WDR70: variants seen among roughly 807,000 people sequenced by gnomAD.
WDR70 encodes WD repeat domain 70, also known as WD repeat-containing protein 70.
In WDR70, 53 loss-of-function variants were observed where a neutral mutation model predicts 88.6. That is an observed-to-expected ratio of 0.60 (90% CI 0.48 to 0.75). The LOEUF (loss-of-function observed/expected upper bound fraction) is 0.75, where lower values mean the gene tolerates loss of function less well. Ranked by LOEUF, WDR70 falls within the 30% of genes least tolerant of loss-of-function variation. The pLI is 0.00. For missense variants in WDR70, 610 were observed against 823.2 expected, an observed-to-expected ratio of 0.74 and a Z score of 3.17; for synonymous variants, 280 against 270.0, an observed-to-expected ratio of 1.04 and a Z score of -0.36.
chr5:37,473,123 TC>T (rs1388181533), intron 7 of WDR70, among the ~76,000 whole-genome samples: 1 of 152,034 alleles, frequency 6.6e-6, no homozygotes, highest in Non-Finnish European at 1.5e-5. Flanking sequence ...TTTTTGCATT[TC>T]ATAAATGATT....
At chr5:37,460,553 G>T (rs1252710365) in intron 7 of WDR70, among the ~76,000 whole-genome samples, 3 of 66,878 alleles carry the variant, frequency 4.5e-5, no homozygotes, top group Non-Finnish European at 6.7e-5. Flanking sequence ...GGTCGGGGGA[G>T]GGGGGAGGGA....
intron 9 of WDR70, among the ~76,000 whole-genome samples, chr5:37,583,921 T>G (rs1222170915): frequency 6.6e-6 from 1 of 152,186 alleles, no homozygotes; most frequent in Non-Finnish European, 1.5e-5. Flanking sequence ...AAAGTACTGC[T>G]TGAACCAACA....
At chr5:37,463,066 G>T (rs1010422144) in intron 7 of WDR70, among the ~76,000 whole-genome samples, 3 of 152,046 alleles carry the variant, frequency 2.0e-5, no homozygotes, top group South Asian at 2.1e-4. Flanking sequence ...GAGGTCAGGA[G>T]TTTGAGACCA....
intron 10 of WDR70, among the ~76,000 whole-genome samples, chr5:37,667,865 A>AG (rs932449972): frequency 1.5e-5 from 2 of 131,546 alleles, no homozygotes; most frequent in African/African-American, 5.1e-5. Context: ...AAAAAAAAAA[A>AG]AAAAAAGGTT....
chr5:37,552,627 T>G (rs922200983), intron 9 of WDR70, among the ~76,000 whole-genome samples: 4 of 152,048 alleles, frequency 2.6e-5, no homozygotes, highest in African/African-American at 4.8e-5. Flanking sequence ...GTGAAACAGA[T>G]GATAAGATGA....
At chr5:37,430,243 G>A (rs1750260595) in intron 5 of WDR70, among the ~76,000 whole-genome samples, 1 of 152,132 alleles carries the variant, frequency 6.6e-6, no homozygotes, top group African/African-American at 2.4e-5. Flanking sequence ...GGGATGTAAG[G>A]TCAGAGAAAG....
rs552451228 is a variant in WDR70 at position 37,740,467 on chromosome 5, T to C, written c.1878-12019T>C. Among the ~76,000 whole-genome samples the C allele has an allele frequency of 1.7e-3, 266 of 152,346 alleles. 1 individual carries two copies. The highest frequency in any genetic ancestry group is 6.2e-3 in the African/African-American group (256 of 41,586). ...GGTAGAGATGTTCAGTGTGCTAAAGTTGAATACTCTTTTTTTGAAGAACCT... is the reference window on the plus strand; with the variant it reads ...GGTAGAGATGTTCAGTGTGCTAAAGCTGAATACTCTTTTTTTGAAGAACCT... On this transcript the variant is annotated intron_variant, in intron 17 of 17. Coordinates refer to ENST00000265107, the MANE Select transcript of WDR70 (RefSeq NM_018034.4).
chr5:37,594,394 A>G (rs1438480319), intron 9 of WDR70, among the ~76,000 whole-genome samples: 17 of 152,326 alleles, frequency 1.1e-4, no homozygotes, highest in African/African-American at 4.1e-4. Context: ...CATTTATTAA[A>G]AAGGGAATCC....
chr5:37,638,992 G>A (rs977671934), intron 10 of WDR70, among the ~76,000 whole-genome samples: 1 of 152,110 alleles, frequency 6.6e-6, no homozygotes, highest in African/African-American at 2.4e-5. Flanking sequence ...GATTTTTTAA[G>A]CCTGAGGAGC....
At chr5:37,711,015 G>T (rs1747495066) in intron 13 of WDR70, among the ~76,000 whole-genome samples, 1 of 152,040 alleles carries the variant, frequency 6.6e-6, no homozygotes. Flanking sequence ...TTCAGAGGGA[G>T]AGACTGAATG....
intron 10 of WDR70, among the ~76,000 whole-genome samples, chr5:37,673,065 C>T (rs1193193825): frequency 6.6e-6 from 1 of 152,132 alleles, no homozygotes; most frequent in Non-Finnish European, 1.5e-5. Flanking sequence ...CCTCCACCCT[C>T]CCATAGGCCC....
At chr5:37,515,041 A>G (rs1312441112) in intron 8 of WDR70, among the ~76,000 whole-genome samples, 1 of 151,992 alleles carries the variant, frequency 6.6e-6, no homozygotes, top group Non-Finnish European at 1.5e-5. Context: ...AAAAAGAAAA[A>G]GCAGAGAGAC....
intron 9 of WDR70, among the ~76,000 whole-genome samples, chr5:37,579,202 T>G (rs1056506615): frequency 1.3e-5 from 2 of 152,188 alleles, no homozygotes; most frequent in African/African-American, 4.8e-5. Flanking sequence ...ACTTTTTGAC[T>G]GAATGGAAGG....
intron 9 of WDR70, among the ~76,000 whole-genome samples, chr5:37,561,951 T>A (rs1742519211): frequency 6.6e-6 from 1 of 152,218 alleles, no homozygotes; most frequent in African/African-American, 2.4e-5. Context: ...AAGAGGCATT[T>A]GAGGTATTCC....
At position 37,396,554 on chromosome 5, in the gene WDR70, A is replaced by C. The variant is rs770319249; in HGVS notation, c.476A>C (p.Glu159Ala). 13 of 1,610,734 alleles carry C rather than the reference A, an allele frequency of 8.1e-6. No homozygotes were observed. Among genetic ancestry groups the C allele is most frequent in the South Asian group, 1.1e-5 (1 of 90,890 alleles). Residue 159 changes from glutamate (E) to alanine (A), a missense_variant, in exon 5 of 18, where the codon GAA becomes GCA. Physicochemically the swap from Glu to Ala is moderately radical, Grantham distance 107. Coordinates refer to ENST00000265107, the MANE Select transcript of WDR70 (RefSeq NM_018034.4). ...GAAGAAGCAGAGGAAGAAGAAGAGGAAGAGGAGGAAGAGGAAGTAAGTATT... is the reference window on the plus strand; with the variant it reads ...GAAGAAGCAGAGGAAGAAGAAGAGGCAGAGGAGGAAGAGGAAGTAAGTATT... Reference protein sequence around the residue: ...EEEEAEEEEEEEEEEENPVHK... With the variant: ...EEEEAEEEEEAEEEEENPVHK...
At chr5:37,518,374 G>C (rs953651774) in intron 9 of WDR70, among the ~76,000 whole-genome samples, 2 of 151,648 alleles carry the variant, frequency 1.3e-5, no homozygotes, top group African/African-American at 4.8e-5. Flanking sequence ...TTCAGCGTCT[G>C]GTAACCATCG....
chr5:37,443,184 A>G (rs1750706108), intron 6 of WDR70, 55 bp from the exon 7 acceptor site: 5 of 1,539,084 alleles, frequency 3.2e-6, no homozygotes, highest in Non-Finnish European at 4.4e-6. Context: ...GGGAGGTTAT[A>G]ATTGACCATA....
At chr5:37,621,353 GCATA>G (rs1349573266) in intron 10 of WDR70, among the ~76,000 whole-genome samples, 1 of 151,970 alleles carries the variant, frequency 6.6e-6, no homozygotes, top group East Asian at 1.9e-4. Context: ...ATCATTTAAA[GCATA>G]CAGTCGTTGA....
chr5:37,396,297 C>A, intron 4 of WDR70, 78 bp from the exon 5 acceptor site: 2 of 1,436,764 alleles, frequency 1.4e-6, no homozygotes, highest in African/African-American at 1.4e-5. Context: ...GGAAAAGTAT[C>A]CTGAGAAATG....
Sources: allele counts gnomAD v4.1 joint callset (sites outside exome capture counted in the v4.1 genomes callset), GRCh38; gene constraint gnomAD v4.1.1; transcripts MANE v1.5; gene names NCBI Gene and HGNC (gene_info 2026-07-23, HGNC 2026-07-21).